Variants in LRRTM4 observed in about 807,000 individuals in gnomAD.
LRRTM4 encodes the protein leucine-rich repeat transmembrane neuronal protein 4.
Under a neutral mutation model 47.6 loss-of-function variants are expected in LRRTM4, and 25 were observed. That is an observed-to-expected ratio of 0.53 (90% CI 0.38 to 0.73). The LOEUF is 0.73. Ranked by LOEUF, LRRTM4 falls within the 30% of genes least tolerant of loss-of-function variation. LRRTM4 has a pLI of 0.00. For synonymous variants in LRRTM4, 311 were observed against 269.5 expected, an observed-to-expected ratio of 1.15 and a Z score of -1.51; for missense variants, 638 against 713.4, an observed-to-expected ratio of 0.89 and a Z score of 1.20.
At chr2:76,751,950 A>G (rs573545403) in intron 3 of LRRTM4, among the ~76,000 whole-genome samples, 29 of 152,320 alleles carry the variant, frequency 1.9e-4, no homozygotes, top group Admixed American at 5.9e-4. Context: ...AATGGAAACA[A>G]CATTCACTGA....
intron 3 of LRRTM4, among the ~76,000 whole-genome samples, chr2:77,078,627 C>G (rs1680428794): frequency 6.6e-6 from 1 of 152,104 alleles, no homozygotes; most frequent in Admixed American, 6.6e-5. Context: ...TGGGGAGATG[C>G]TACCTTTTGA....
intron 3 of LRRTM4, among the ~76,000 whole-genome samples, chr2:77,080,219 T>C (rs1174495579): frequency 6.6e-6 from 1 of 152,198 alleles, no homozygotes; most frequent in Non-Finnish European, 1.5e-5. Context: ...GCTTCTAGAA[T>C]TCTATGTACA....
intron 3 of LRRTM4, among the ~76,000 whole-genome samples, chr2:77,173,817 T>G (rs1474092959): frequency 6.6e-6 from 1 of 151,994 alleles, no homozygotes; most frequent in Non-Finnish European, 1.5e-5. Context: ...GATCCTTAGC[T>G]CCTTCATATA....
intron 3 of LRRTM4, among the ~76,000 whole-genome samples, chr2:77,222,082 A>T (rs1185124920): frequency 0.012 from 1,812 of 152,202 alleles, 37 homozygotes; most frequent in African/African-American, 0.041. Context: ...ACATGGAAAC[A>T]GAACAACCTG....
At chr2:77,436,118 T>C (rs947230089) in intron 3 of LRRTM4, among the ~76,000 whole-genome samples, 2 of 152,076 alleles carry the variant, frequency 1.3e-5, no homozygotes, top group Non-Finnish European at 2.9e-5. Flanking sequence ...GAAAACATAT[T>C]AAAAGCGGTA....
chr2:77,457,046 AT>A (rs1676587582), intron 3 of LRRTM4, among the ~76,000 whole-genome samples: 3 of 15,772 alleles, frequency 1.9e-4, no homozygotes, highest in Admixed American at 6.1e-4. Context: ...ATATATATAT[AT>A]ATATGTATAA....
intron 2 of LRRTM4, among the ~76,000 whole-genome samples, chr2:77,520,444 G>C (rs1038317159): frequency 6.6e-6 from 1 of 152,028 alleles, no homozygotes; most frequent in Non-Finnish European, 1.5e-5. Context: ...GACTAGTATA[G>C]GCAGCCAATG....
chr2:76,818,907 T>TTAAA (rs1166448902), intron 3 of LRRTM4, among the ~76,000 whole-genome samples: 1 of 151,850 alleles, frequency 6.6e-6, no homozygotes, highest in Non-Finnish European at 1.5e-5. Flanking sequence ...CCAGTTTGAT[T>TTAAA]AGTTTTACTA....
At chr2:76,966,396 T>C (rs375984026) in intron 3 of LRRTM4, among the ~76,000 whole-genome samples, 1 of 151,430 alleles carries the variant, frequency 6.6e-6, no homozygotes, top group East Asian at 2.0e-4. Flanking sequence ...TATTTTTTGG[T>C]CTGTTGTGTG....
intron 3 of LRRTM4, among the ~76,000 whole-genome samples, chr2:76,904,620 A>G (rs1673758092): frequency 6.6e-6 from 1 of 152,200 alleles, no homozygotes; most frequent in Admixed American, 6.5e-5. Context: ...ATTTTTATAT[A>G]ACTGAGCAGT....
At chr2:76,958,890 A>G (rs1424008946) in intron 3 of LRRTM4, among the ~76,000 whole-genome samples, 3 of 151,648 alleles carry the variant, frequency 2.0e-5, no homozygotes, top group African/African-American at 7.3e-5. Flanking sequence ...CCACCCAAGT[A>G]TCTTGCTGGA....
intron 3 of LRRTM4, among the ~76,000 whole-genome samples, chr2:77,368,899 A>G (rs764779545): frequency 3.3e-5 from 5 of 151,662 alleles, no homozygotes; most frequent in African/African-American, 4.8e-5. Context: ...TCTAATTTTA[A>G]TTTCTTTAGG....
chr2:76,879,504 G>A (rs778832080), intron 3 of LRRTM4, among the ~76,000 whole-genome samples: 17 of 152,146 alleles, frequency 1.1e-4, no homozygotes, highest in Non-Finnish European at 2.1e-4. Context: ...GAGACTTACT[G>A]CTTGGTAATA....
intron 3 of LRRTM4, among the ~76,000 whole-genome samples, chr2:77,432,258 G>A (rs1675409499): frequency 6.6e-6 from 1 of 152,134 alleles, no homozygotes; most frequent in South Asian, 2.1e-4. Context: ...ACTTTCCTGG[G>A]TGCAACCCAC....
chr2:77,492,250 AAT>A (rs1476888979), intron 3 of LRRTM4, among the ~76,000 whole-genome samples: 1 of 152,100 alleles, frequency 6.6e-6, no homozygotes. Context: ...AAAATATATC[AAT>A]ATATGTTTTG....
chr2:76,972,354 C>T (rs745728256), intron 3 of LRRTM4, among the ~76,000 whole-genome samples: 6 of 151,660 alleles, frequency 4.0e-5, no homozygotes, highest in Non-Finnish European at 7.4e-5. Flanking sequence ...TTGGAAGTCA[C>T]CTGTCACTCT....
intron 3 of LRRTM4, among the ~76,000 whole-genome samples, chr2:76,842,505 A>G (rs2103938318): frequency 6.6e-6 from 1 of 152,338 alleles, no homozygotes; most frequent in African/African-American, 2.4e-5. Context: ...TAACCTATGG[A>G]ACAGCATAGC....
chr2:77,167,565 A>G (rs933550935), intron 3 of LRRTM4, among the ~76,000 whole-genome samples: 5 of 152,238 alleles, frequency 3.3e-5, no homozygotes, highest in African/African-American at 4.8e-5. Flanking sequence ...ATGTCCATCA[A>G]TGATAGACTG....
At chr2:77,139,272 C>T (rs928240278) in intron 3 of LRRTM4, among the ~76,000 whole-genome samples, 4 of 152,090 alleles carry the variant, frequency 2.6e-5, no homozygotes, top group African/African-American at 9.7e-5. Context: ...AAAGCTTATC[C>T]ACCATGATAT....
Sources: gnomAD v4.1 joint callset for allele counts (sites outside exome capture counted in the v4.1 genomes callset) on GRCh38, gnomAD v4.1.1 for gene constraint, MANE v1.5 for transcripts, NCBI Gene and HGNC (gene_info 2026-07-23, HGNC 2026-07-21) for gene names.